Variants in DNAH2 observed in about 807,000 individuals in gnomAD.
DNAH2 encodes the protein dynein axonemal heavy chain 2, also known as axonemal beta dynein heavy chain 2.
DNAH2 carries 323 observed loss-of-function variants against 523.5 expected under a neutral mutation model. The ratio of observed to expected loss-of-function variants is 0.62; its 90% CI spans 0.56 to 0.68. The LOEUF is 0.68. Among genes scored for constraint, DNAH2 ranks in the 30% least tolerant of loss-of-function variants. DNAH2 has a pLI of 0.00. For missense variants in DNAH2, 4,907 were observed against 5,701.5 expected, an observed-to-expected ratio of 0.86 and a Z score of 4.49; for synonymous variants, 2,093 against 2,177.4, an observed-to-expected ratio of 0.96 and a Z score of 1.08.
chr17:7,737,348 G>A (rs1383689112), intron 8 of DNAH2, 90 bp downstream of exon 8: 6 of 1,375,794 alleles, frequency 4.4e-6, no homozygotes, highest in Non-Finnish European at 5.0e-6. Context: ...GAGGATCTGT[G>A]GTTGAAAAGG....
At position 7,816,692 on chromosome 17, in the gene DNAH2, C is replaced by T. The variant is rs140494502; in HGVS notation, c.9851C>T (p.Ser3284Leu). 412 of 1,614,038 alleles carry T rather than the reference C, an allele frequency of 2.6e-4. No individual in the cohort carries two copies. The highest frequency in any genetic ancestry group is 3.0e-4 in the Non-Finnish European group (357 of 1,180,054). Residue 3284 changes from serine to leucine, a missense_variant, in exon 64 of 86, where the codon TCG (serine) becomes TTG (leucine). Physicochemically the swap from Ser to Leu is moderately radical, Grantham distance 145 (BLOSUM62 -2). This residue lies in a region of DNAH2 where 1,851 missense variants were observed against 2,139.4 expected (regional missense o/e 0.87). Coordinates refer to ENST00000572933, the MANE Select transcript of DNAH2 (RefSeq NM_020877.5). Reference protein sequence around the residue: ...LKLERAGMLVSGLAGEKARWE... With the variant: ...LKLERAGMLVLGLAGEKARWE... Reference sequence around the variant, plus strand: ...CTGGAGCGAGCTGGGATGCTCGTGTCGGGGTTGGCTGGCGAGAAGGCCAGA... The same window carrying T: ...CTGGAGCGAGCTGGGATGCTCGTGTTGGGGTTGGCTGGCGAGAAGGCCAGA...
chr17:7,726,743 T>C (rs995139734), intron 3 of DNAH2, among the ~76,000 whole-genome samples: 2 of 152,188 alleles, frequency 1.3e-5, no homozygotes, highest in Non-Finnish European at 2.9e-5. Context: ...TTCCAGCTTG[T>C]GGTCTCCCTG....
In DNAH2 at chr17:7,792,326, T is replaced by C. The variant is rs757331582; in HGVS notation, c.7128T>C (p.Ser2376=). 28 of 1,613,376 alleles carry C rather than the reference T, an allele frequency of 1.7e-5. No individual in the cohort carries two copies. The highest frequency in any genetic ancestry group is 2.4e-5 in the Non-Finnish European group (28 of 1,179,900). Residue 2376 remains serine, a synonymous_variant, in exon 46 of 86, where the codon AGT becomes AGC. Coordinates refer to ENST00000572933, the MANE Select transcript of DNAH2 (RefSeq NM_020877.5). ...WTSFEDKLPK[S]WRYPPNAPFY... is the part of the protein sequence containing the mutation. ...CATTTGAGGACAAGCTCCCTAAGAG[T>C]TGGCGCTACCCTCCAAAGTAAGAGC...
chr17:7,719,840 G>A lies in DNAH2; in HGVS notation c.106G>A (p.Gly36Arg). The change falls in exon 2 of 86, where the codon GGG becomes AGG. Residue 36 changes from glycine to arginine, a missense_variant. Coordinates refer to ENST00000572933, the MANE Select transcript of DNAH2 (RefSeq NM_020877.5). ...TRAAVATQEQ[G>R]NAPAVSEPEL... ...GGCTGCTGTGGCCACACAGGAGCAG[G>A]GGAATGCCCCGGCTGTCAGTGAGCC... 2 of 1,608,288 alleles carry A rather than the reference G, an allele frequency of 1.2e-6. No individual in the cohort carries two copies.
chr17:7,816,797 C>G (rs564645405), intron 64 of DNAH2, 62 bp downstream of exon 64: 1 of 1,585,154 alleles, frequency 6.3e-7, no homozygotes, highest in Admixed American at 1.7e-5. Flanking sequence ...AGAGACCCAT[C>G]CCTTTTAGCT....
At chr17:7,801,802 C>G in intron 57 of DNAH2, 76 bp from the exon 58 acceptor site, 12 of 1,609,454 alleles carry the variant, frequency 7.5e-6, no homozygotes, top group Non-Finnish European at 1.0e-5. Context: ...CTCTCCTTCC[C>G]GCCTCTCATC....
chr17:7,759,733 G>A (rs139843129), intron 16 of DNAH2, 58 bp from the exon 17 acceptor site: 8 of 1,610,550 alleles, frequency 5.0e-6, no homozygotes, highest in Admixed American at 1.7e-5. Flanking sequence ...TGCTGCTGAA[G>A]TGTGTGACCT....
Position 7,819,374 on chromosome 17 carries a change from T to C in DNAH2, c.10981T>C (p.Tyr3661His). Residue 3661 changes from tyrosine to histidine, a missense_variant, in exon 72 of 86, where the codon TAC (tyrosine) becomes CAC (histidine). Tyr to His is a moderately conservative substitution (Grantham distance 83). Around this residue, in one of 3 missense-constraint regions of DNAH2, gnomAD observed 1,851 missense variants for 2,139.4 expected, o/e 0.87. Transcript: ENST00000572933. ...RSNKLEDRID[Y>H]LNDYHTYAVY... ...CAATAAGCTGGAGGACCGCATTGACTACCTGAATGACTACCACACCTACGC... is the reference window on the plus strand; with the variant it reads ...CAATAAGCTGGAGGACCGCATTGACCACCTGAATGACTACCACACCTACGC... 6.2e-7 allele frequency: 1 copy of C among 1,614,260 alleles called. No homozygotes were observed. Among genetic ancestry groups the C allele is most frequent in the South Asian group, 1.1e-5 (1 of 91,086 alleles).
In DNAH2 at chr17:7,780,183, G is replaced by A. The variant is rs771959734; in HGVS notation, c.5749G>A (p.Glu1917Lys). ...PGYAGRTELP[E>K]NLKSMFRPIA... ...CTATGCTGGCCGCACAGAGCTTCCC[G>A]AAAATCTTAAATCCATGTTCCGCCC... is the stretch of plus-strand genomic sequence containing the variant. Residue 1917 changes from glutamate to lysine, a missense_variant, in exon 37 of 86, where the codon GAA becomes AAA. This residue lies in a region of DNAH2 where 2,806 missense variants were observed against 3,190.8 expected (regional missense o/e 0.88). Transcript: ENST00000572933. The surrounding 1 kb of genome is among the most constrained non-coding windows in gnomAD (Gnocchi z 4.4). The A allele has an allele frequency of 6.2e-7, 1 of 1,613,788 alleles. No individual in the cohort carries two copies. Among genetic ancestry groups the A allele is most frequent in the East Asian group, 2.2e-5 (1 of 44,880 alleles).
At chr17:7,766,622 C>T (rs1597588965) in intron 22 of DNAH2, 141 bp downstream of exon 22, 1 of 298,642 alleles carries the variant, frequency 3.3e-6, no homozygotes, top group Non-Finnish European at 6.1e-6. Context: ...AGGTAAAATT[C>T]ATACAACAAA....
chr17:7,824,151 C>T lies in DNAH2; in HGVS notation c.11509C>T (p.Leu3837Phe), dbSNP rs1354106998. 5 of 1,576,964 alleles carry T rather than the reference C, an allele frequency of 3.2e-6. No individual in the cohort carries two copies. The highest frequency in any genetic ancestry group is 4.3e-6 in the Non-Finnish European group (5 of 1,164,358). ...GGAGGATTCAACCCCACGATCCCCA[C>T]TCGTGTTCATCCTGTCCCCTGGTGT... ...VLEDSTPRSP[L>F]VFILSPGVDP... is the part of the protein sequence containing the mutation. Residue 3837 changes from leucine (L) to phenylalanine (F), a missense_variant, in exon 76 of 86, where the codon CTC becomes TTC. Around this residue, in one of 3 missense-constraint regions of DNAH2, gnomAD observed 1,851 missense variants for 2,139.4 expected, o/e 0.87. Transcript: ENST00000572933.
At chr17:7,795,463 A>G (rs1400106973) in intron 49 of DNAH2, among the ~76,000 whole-genome samples, 3 of 151,944 alleles carry the variant, frequency 2.0e-5, no homozygotes, top group African/African-American at 7.2e-5. Context: ...ACTCGAGCCC[A>G]GGAGTTTGAT....
chr17:7,742,976 AGT>A lies in DNAH2; in HGVS notation c.1742_1743del (p.Val581AlafsTer11), dbSNP rs765058032. On this transcript the variant is annotated frameshift_variant, in exon 12 of 86. Transcript: ENST00000572933. LOFTEE classifies it high-confidence loss of function. ...GCCCCGTATTGGGACTGGAAAGGAG[AGT>A]GTGCACACCTATCAGCAGATGGTCC... ...FLPRIGTGKE[S>X]VHTYQQMVQA... is the part of the protein sequence containing the mutation. 4 of 1,485,266 alleles carry A rather than the reference AGT, an allele frequency of 2.7e-6. No homozygotes were observed. In the African/African-American group the frequency reaches 4.3e-5, roughly 16 times the overall value. The allele number at this position is 1,485,266 out of a possible 1,614,324, so 92.0% of individuals were successfully genotyped here. A position where few individuals can be genotyped will look rare whatever the true frequency, so the allele number is the denominator to read the frequency against.
chr17:7,771,786 G>A (rs111604528), intron 28 of DNAH2, among the ~76,000 whole-genome samples: 1,879 of 151,912 alleles, frequency 0.012, 31 homozygotes, highest in African/African-American at 0.041. Context: ...GTGCGATCTC[G>A]GCTCACTGCA....
chr17:7,800,257 G>A (rs1234311369), intron 56 of DNAH2, among the ~76,000 whole-genome samples: 2 of 152,200 alleles, frequency 1.3e-5, no homozygotes, highest in Middle Eastern at 3.4e-3. Context: ...CACCATGTTG[G>A]TCTGGCTGAT....
rs373923557 is a variant in DNAH2, at chr17:7,766,285, G to A, written c.3512-33G>A. 1.3e-4 allele frequency: 210 copies of A among 1,600,696 alleles called. No individual in the cohort carries two copies. The African/African-American group carries it at 2.1e-3, about 16-fold the overall frequency. On this transcript the variant is annotated intron_variant, in intron 21 of 85. Coordinates refer to ENST00000572933, the MANE Select transcript of DNAH2 (RefSeq NM_020877.5). The stretch of plus-strand genomic sequence containing the variant: ...ATGGCTGTCCTTGCCAGACGTGAGC[G>A]GGAAGCTGAGCTTCATCCTGAATCC...
Position 7,758,613 on chromosome 17 carries a change from G to A in DNAH2, c.2170G>A (p.Ala724Thr). The change falls in exon 14 of 86, where the codon GCC becomes ACC. Residue 724 changes from alanine (A) to threonine (T), a missense_variant. By Grantham distance (58) the Ala-to-Thr change is moderately conservative. Coordinates refer to ENST00000572933, the MANE Select transcript of DNAH2 (RefSeq NM_020877.5). ...KLHWALKGASAFFITECRIHA... is the reference protein window; with the variant it reads ...KLHWALKGASTFFITECRIHA... ...GCACTGGGCCTTGAAGGGGGCCAGT[G>A]CCTTCTTCATCACGGAGTGCCGTAT... 2 of 1,614,102 alleles carry A rather than the reference G, an allele frequency of 1.2e-6. No homozygotes were observed. The highest frequency in any genetic ancestry group is 1.7e-6 in the Non-Finnish European group (2 of 1,180,020).
intron 42 of DNAH2, chr17:7,787,474 C>T (rs2151262572): frequency 3.9e-6 from 1 of 253,768 alleles, no homozygotes; most frequent in Non-Finnish European, 7.6e-6. Flanking sequence ...GTGGCTCACG[C>T]CTGTAATCCT....
chr17:7,797,294 T>C, intron 51 of DNAH2, 33 bp downstream of exon 51: 1 of 1,613,808 alleles, frequency 6.2e-7, no homozygotes, highest in Non-Finnish European at 8.5e-7. Context: ...AAACGAAGGC[T>C]TCCTCAGCCT....
Sources: allele counts gnomAD v4.1 joint callset (sites outside exome capture counted in the v4.1 genomes callset), GRCh38; gene constraint gnomAD v4.1.1; regional missense constraint gnomAD v4.1.1; non-coding constraint Gnocchi (gnomAD v3.1); transcripts MANE v1.5; gene names NCBI Gene and HGNC (gene_info 2026-07-23, HGNC 2026-07-21).